MECOM: variants seen among roughly 807,000 people sequenced by gnomAD.
The protein encoded by MECOM is MDS1 and EVI1 complex locus, also known as histone-lysine N-methyltransferase MECOM.
A neutral mutation model predicts 116.3 loss-of-function variants in MECOM; 13 were observed. The ratio of observed to expected loss-of-function variants is 0.11; its 90% CI spans 0.07 to 0.18. The LOEUF (loss-of-function observed/expected upper bound fraction) is 0.18. MECOM is among the 10% of genes least tolerant of loss of function. MECOM has a pLI of 1.00. For missense variants in MECOM, 1,299 were observed against 1,509.0 expected (o/e 0.86, Z 2.31); for synonymous variants, 528 against 535.2 (o/e 0.99, Z 0.19).
intron 2 of MECOM, among the ~76,000 whole-genome samples, chr3:169,316,493 T>C (rs1274978798): frequency 6.6e-6 from 1 of 152,216 alleles, no homozygotes; most frequent in Non-Finnish European, 1.5e-5. Flanking sequence ...GGGGCACAAA[T>C]GTCCCACAGA....
chr3:169,433,618 G>A (rs890305227), intron 1 of MECOM, among the ~76,000 whole-genome samples: 23 of 129,706 alleles, frequency 1.8e-4, no homozygotes, highest in Non-Finnish European at 2.6e-4. Flanking sequence ...GGGAGGGAAG[G>A]AGAAAAGAAA....
intron 1 of MECOM, among the ~76,000 whole-genome samples, chr3:169,426,744 G>C (rs1043955879): frequency 6.6e-6 from 1 of 152,194 alleles, no homozygotes; most frequent in Non-Finnish European, 1.5e-5. Flanking sequence ...ACGTGGAGCA[G>C]AGAAGATTGT....
intron 1 of MECOM, among the ~76,000 whole-genome samples, chr3:169,593,217 T>C (rs1350518751): frequency 1.3e-5 from 2 of 152,124 alleles, no homozygotes; most frequent in Non-Finnish European, 2.9e-5. Flanking sequence ...GTATTAACAC[T>C]AGGAAAACAA....
chr3:169,588,326 T>C (rs1263558407), intron 1 of MECOM, among the ~76,000 whole-genome samples: 1 of 152,198 alleles, frequency 6.6e-6, no homozygotes, highest in African/African-American at 2.4e-5. Flanking sequence ...AATTCTTTTT[T>C]ATTTTGCCAT....
At chr3:169,292,159 A>G (rs1325570323) in intron 2 of MECOM, among the ~76,000 whole-genome samples, 1 of 152,072 alleles carries the variant, frequency 6.6e-6, no homozygotes, top group Non-Finnish European at 1.5e-5. Context: ...CCTGGCCAAC[A>G]TGGTGAAACC....
At chr3:169,659,136 T>C (rs953872550) in intron 1 of MECOM, among the ~76,000 whole-genome samples, 4 of 150,674 alleles carry the variant, frequency 2.7e-5, no homozygotes, top group Non-Finnish European at 5.9e-5. Flanking sequence ...GAATGACATG[T>C]TAATTTCTAG....
chr3:169,269,783 A>G (rs1758716779), intron 2 of MECOM, among the ~76,000 whole-genome samples: 1 of 152,220 alleles, frequency 6.6e-6, no homozygotes, highest in South Asian at 2.1e-4. Flanking sequence ...CTCTAACACC[A>G]AAAGCTAATT....
At chr3:169,097,351 G>A (rs1290955466) in intron 12 of MECOM, among the ~76,000 whole-genome samples, 1 of 151,984 alleles carries the variant, frequency 6.6e-6, no homozygotes, top group Non-Finnish European at 1.5e-5. Context: ...GAAAAAGAAT[G>A]TTCTAAATAA....
intron 2 of MECOM, among the ~76,000 whole-genome samples, chr3:169,217,391 C>T (rs533450443): frequency 9.2e-5 from 14 of 152,200 alleles, no homozygotes; most frequent in Admixed American, 2.0e-4. Flanking sequence ...GATAACACTG[C>T]TCAAGTTCAG....
intron 1 of MECOM, among the ~76,000 whole-genome samples, chr3:169,537,812 G>A (rs781612053): frequency 1.3e-5 from 2 of 151,904 alleles, no homozygotes; most frequent in Non-Finnish European, 2.9e-5. Flanking sequence ...TAAAACTTGA[G>A]TACAAAGGTG....
At chr3:169,491,661 C>T (rs1470693981) in intron 1 of MECOM, among the ~76,000 whole-genome samples, 1 of 152,160 alleles carries the variant, frequency 6.6e-6, no homozygotes, top group Non-Finnish European at 1.5e-5. Context: ...GTTTCAGAAA[C>T]ACAGTCAGCA....
intron 2 of MECOM, among the ~76,000 whole-genome samples, chr3:169,273,643 G>A (rs1001864742): frequency 1.3e-5 from 2 of 152,190 alleles, no homozygotes; most frequent in African/African-American, 4.8e-5. Context: ...GGCGGTGTGT[G>A]TGAAGACTAG....
chr3:169,245,217 A>C (rs1755430484), intron 2 of MECOM, among the ~76,000 whole-genome samples: 1 of 152,206 alleles, frequency 6.6e-6, no homozygotes, highest in Non-Finnish European at 1.5e-5. Flanking sequence ...GGGGAAATAT[A>C]ATATTATTAA....
intron 2 of MECOM, among the ~76,000 whole-genome samples, chr3:169,373,455 G>A (rs1191718237): frequency 6.6e-6 from 1 of 151,794 alleles, no homozygotes; most frequent in Non-Finnish European, 1.5e-5. Flanking sequence ...TATTTATAAT[G>A]TTATCTTTGA....
At chr3:169,441,154 C>T (rs1276536214) in intron 1 of MECOM, among the ~76,000 whole-genome samples, 2 of 152,160 alleles carry the variant, frequency 1.3e-5, no homozygotes, top group Non-Finnish European at 2.9e-5. Context: ...GATGTGACAG[C>T]TCAGCCTGAG....
intron 1 of MECOM, among the ~76,000 whole-genome samples, chr3:169,415,728 A>G (rs1252306361): frequency 3.3e-5 from 5 of 152,204 alleles, no homozygotes. Context: ...ATGGGTTGCA[A>G]TCCTAGTCTC....
intron 1 of MECOM, among the ~76,000 whole-genome samples, chr3:169,384,901 G>A (rs2115958): frequency 0.18 from 26,628 of 151,888 alleles, 2,832 homozygotes; most frequent in East Asian, 0.25. Flanking sequence ...TCAAGCGTTC[G>A]AGACCAGCCT....
chr3:169,207,461 T>C (rs192824633), intron 2 of MECOM, among the ~76,000 whole-genome samples: 20 of 152,286 alleles, frequency 1.3e-4, no homozygotes, highest in African/African-American at 4.6e-4. Context: ...TTTTTAATAA[T>C]ATAGATATAA....
At chr3:169,473,534 G>C (rs1749881376) in intron 1 of MECOM, among the ~76,000 whole-genome samples, 1 of 152,200 alleles carries the variant, frequency 6.6e-6, no homozygotes, top group Non-Finnish European at 1.5e-5. Flanking sequence ...ACTATGGGAG[G>C]CTGAGGTGGG....
Sources: gnomAD v4.1 joint callset for allele counts (sites outside exome capture counted in the v4.1 genomes callset) on GRCh38, gnomAD v4.1.1 for gene constraint, MANE v1.5 for transcripts, NCBI Gene and HGNC (gene_info 2026-07-23, HGNC 2026-07-21) for gene names.